Variants in PHF14 observed in about 807,000 individuals in gnomAD.
PHF14 encodes PHD finger protein 14.
PHF14 carries 55 observed loss-of-function variants against 117.9 expected under a neutral mutation model. That is an observed-to-expected ratio of 0.47 (90% CI 0.38 to 0.58). The LOEUF (loss-of-function observed/expected upper bound fraction) is 0.58, where lower values mean the gene tolerates loss of function less well. Ranked by LOEUF, PHF14 falls within the 20% of genes least tolerant of loss-of-function variation. PHF14 has a pLI of 0.00. For synonymous variants in PHF14, 409 were observed against 368.6 expected (o/e 1.11, Z -1.26); for missense variants, 978 against 1,122.2 (o/e 0.87, Z 1.84).
At chr7:11,105,437 A>T in intron 16 of PHF14, 1 of 949,426 alleles carries the variant, frequency 1.1e-6, no homozygotes, top group African/African-American at 1.8e-5. Flanking sequence ...TTGATTCTCA[A>T]TATGAGAATA....
At chr7:11,128,155 C>T (rs1400261974) in intron 17 of PHF14, among the ~76,000 whole-genome samples, 1 of 152,026 alleles carries the variant, frequency 6.6e-6, no homozygotes, top group Non-Finnish European at 1.5e-5. Context: ...GAGTTCACTA[C>T]AAATTCATGC....
intron 4 of PHF14, among the ~76,000 whole-genome samples, chr7:10,995,190 C>T (rs1562566532): frequency 2.0e-5 from 3 of 152,022 alleles, no homozygotes; most frequent in South Asian, 2.1e-4. Flanking sequence ...TATTTACAAT[C>T]CCTTAGCTAG....
At chr7:11,156,933 C>T (rs1432506153) in intron 17 of PHF14, among the ~76,000 whole-genome samples, 2 of 152,166 alleles carry the variant, frequency 1.3e-5, no homozygotes, top group East Asian at 1.9e-4. Context: ...ATTCACAATA[C>T]TCACCTTTGG....
intron 7 of PHF14, among the ~76,000 whole-genome samples, chr7:11,033,345 C>T (rs1050987519): frequency 6.6e-6 from 1 of 152,138 alleles, no homozygotes; most frequent in Admixed American, 6.6e-5. Context: ...GCTTCACCTT[C>T]CTTTAGTCTA....
intron 2 of PHF14, among the ~76,000 whole-genome samples, chr7:10,978,258 A>AT (rs1338056779): frequency 1.3e-5 from 2 of 152,210 alleles, no homozygotes; most frequent in East Asian, 3.8e-4. Flanking sequence ...TAGTAATAAT[A>AT]TTAGAATAAG....
chr7:11,036,651 A>G lies in PHF14; in HGVS notation c.1836A>G (p.Gln612=), dbSNP rs1042558489. The G allele has an allele frequency of 6.2e-7, 1 of 1,613,864 alleles. No homozygotes were observed. The highest frequency in any genetic ancestry group is 8.5e-7 in the Non-Finnish European group (1 of 1,179,800). Residue 612 remains glutamine (Q), a synonymous_variant, in exon 9 of 18, where the codon CAA becomes CAG. Transcript: ENST00000634607. The part of the protein sequence containing the change: ...SSVDGRRKHK[Q]PALTADFVNY... ...TGGATGGAAGGAGAAAACATAAGCA[A>G]CCAGCTCTCACTGCAGATTTTGTGA...
intron 17 of PHF14, among the ~76,000 whole-genome samples, chr7:11,118,587 GTCA>G (rs1413197826): frequency 6.6e-6 from 1 of 151,544 alleles, no homozygotes; most frequent in Non-Finnish European, 1.5e-5. Context: ...GAACTTATTA[GTCA>G]TCATTATTGC....
chr7:10,978,233 G>T (rs1007060379), intron 2 of PHF14, among the ~76,000 whole-genome samples: 51 of 152,090 alleles, frequency 3.4e-4, no homozygotes, highest in African/African-American at 1.2e-3. Flanking sequence ...ATGTTATGGT[G>T]AATTTACAAA....
At chr7:11,075,185 T>C (rs1296462268) in intron 16 of PHF14, among the ~76,000 whole-genome samples, 1 of 152,096 alleles carries the variant, frequency 6.6e-6, no homozygotes, top group East Asian at 1.9e-4. Context: ...GCAATCCTTC[T>C]GCCTCATCCT....
chr7:11,161,167 G>T (rs973496246), intron 17 of PHF14, among the ~76,000 whole-genome samples: 2 of 152,108 alleles, frequency 1.3e-5, no homozygotes, highest in African/African-American at 4.8e-5. Context: ...ATTGAATGGA[G>T]ATATTATGAC....
chr7:11,046,796 T>G (rs1454812569), intron 13 of PHF14, among the ~76,000 whole-genome samples: 1 of 152,076 alleles, frequency 6.6e-6, no homozygotes, highest in African/African-American at 2.4e-5. Flanking sequence ...CCTCTTAAAG[T>G]TTTATGTAGG....
At position 10,991,803 on chromosome 7, in the gene PHF14, G is replaced by A. The variant is rs541544840; in HGVS notation, c.1045+956G>A. ...GGTAGAGACAGGGTTTTGCTATGTT[G>A]CCCAGGCTGATCTTGAACTCCTGGC... On this transcript the variant is annotated intron_variant, in intron 4 of 17. Transcript: ENST00000634607. 6.0e-3 allele frequency among the ~76,000 whole-genome samples: 386 copies of A among 64,402 alleles called. 1 individual carries two copies. Among genetic ancestry groups the A allele is most frequent in the Middle Eastern group, 0.03 (2 of 66 alleles). The allele number at this position is 64,402 out of a possible 152,430, so 42.3% of individuals were successfully genotyped here. A position where few individuals can be genotyped will look rare whatever the true frequency, so the allele number is the denominator to read the frequency against.
chr7:11,015,329 T>C (rs540128929), intron 5 of PHF14: 7 of 152,292 alleles, frequency 4.6e-5, no homozygotes, highest in Admixed American at 3.9e-4. Context: ...CATTGAATCT[T>C]GGAGAATCCC....
At chr7:11,017,638 T>A (rs1186515560) in intron 5 of PHF14, among the ~76,000 whole-genome samples, 1 of 152,208 alleles carries the variant, frequency 6.6e-6, no homozygotes, top group African/African-American at 2.4e-5. Context: ...GAACTCCTTG[T>A]ATATTCTGGT....
At chr7:11,072,940 T>A (rs534989248) in intron 16 of PHF14, among the ~76,000 whole-genome samples, 1 of 152,252 alleles carries the variant, frequency 6.6e-6, no homozygotes, top group East Asian at 1.9e-4. Context: ...AGAATTTGCT[T>A]ATTCCCATGG....
At chr7:11,044,561 A>G (rs1219098350) in intron 13 of PHF14, among the ~76,000 whole-genome samples, 2 of 152,108 alleles carry the variant, frequency 1.3e-5, no homozygotes, top group South Asian at 2.1e-4. Context: ...GGGTGTATTA[A>G]TTTTGGAGTG....
At chr7:11,148,196 C>A (rs1329921800) in intron 17 of PHF14, among the ~76,000 whole-genome samples, 2 of 152,186 alleles carry the variant, frequency 1.3e-5, no homozygotes, top group African/African-American at 4.8e-5. Flanking sequence ...TTTCTCTATA[C>A]CTCAACCAGA....
chr7:11,027,821 G>T (rs1783977237), intron 6 of PHF14, among the ~76,000 whole-genome samples: 1 of 152,054 alleles, frequency 6.6e-6, no homozygotes, highest in African/African-American at 2.4e-5. Flanking sequence ...TATTGTTTAA[G>T]AATTAGTATA....
Position 11,094,442 on chromosome 7 carries a change from T to G in PHF14, c.2655-16908T>G, listed in dbSNP as rs181883509. Among the ~76,000 whole-genome samples, 8 of 152,292 alleles carry G rather than the reference T, an allele frequency of 5.3e-5. No homozygotes were observed. In the East Asian group the frequency reaches 1.5e-3, roughly 29 times the overall value. ...GCAGCTATAGTCACATCTATTTATC[T>G]CTCTGATTCTGACTCCTCCTACTTC... On this transcript the variant is annotated intron_variant, in intron 16 of 17. Coordinates refer to ENST00000634607, the MANE Select transcript of PHF14 (RefSeq NM_001007157.2).
Sources: gnomAD v4.1 joint callset for allele counts (sites outside exome capture counted in the v4.1 genomes callset) on GRCh38, gnomAD v4.1.1 for gene constraint, MANE v1.5 for transcripts, NCBI Gene and HGNC (gene_info 2026-07-23, HGNC 2026-07-21) for gene names.